The following SEM1 variants were observed in gnomAD, a reference collection of about 807,000 sequenced individuals.
SEM1 encodes 26S proteasome complex subunit SEM1.
SEM1 carries 3 observed loss-of-function variants against 12.7 expected under a neutral mutation model. The ratio of observed to expected loss-of-function variants is 0.24; its 90% CI spans 0.11 to 0.61. SEM1 has a LOEUF of 0.61. Ranked by LOEUF, SEM1 falls within the 20% of genes least tolerant of loss-of-function variation. SEM1 has a pLI of 0.88. For missense variants in SEM1, 59 were observed against 81.3 expected, an observed-to-expected ratio of 0.73 and a Z score of 1.06; for synonymous variants, 30 against 27.8, an observed-to-expected ratio of 1.08 and a Z score of -0.25.
intron 1 of SEM1, among the ~76,000 whole-genome samples, chr7:96,705,655 A>G (rs1283566220): frequency 6.6e-5 from 10 of 151,758 alleles, no homozygotes; most frequent in Admixed American, 2.0e-4. Flanking sequence ...ATGAAACCCC[A>G]TCTCTACAAA....
intron 2 of SEM1, among the ~76,000 whole-genome samples, chr7:96,513,028 A>G (rs1803980390): frequency 6.6e-6 from 1 of 152,150 alleles, no homozygotes; most frequent in Non-Finnish European, 1.5e-5. Context: ...GAATTCGATC[A>G]TATTTGGAAA....
At chr7:96,506,373 C>G (rs1803754434) in intron 3 of SEM1, among the ~76,000 whole-genome samples, 1 of 152,090 alleles carries the variant, frequency 6.6e-6, no homozygotes, top group Admixed American at 6.6e-5. Flanking sequence ...GTTTGGAGTA[C>G]TGTTTAAATG....
intron 2 of SEM1, among the ~76,000 whole-genome samples, chr7:96,515,589 C>A (rs1259021871): frequency 6.6e-6 from 1 of 152,108 alleles, no homozygotes; most frequent in South Asian, 2.1e-4. Flanking sequence ...ATGTTTATTG[C>A]AGCACTATTC....
rs555686938 is a variant in SEM1 at position 96,552,765 on chromosome 7, G to A, written c.171-46067C>T. Among the ~76,000 whole-genome samples the A allele has an allele frequency of 7.9e-5, 12 of 152,132 alleles. No individual in the cohort carries two copies. The South Asian group carries it at 8.3e-4, about 11-fold the overall frequency. ...TCCAGTTCTAGATCCCTGAGGAATC[G>A]CCACACTGACTTCCACAATGGTTGA... On this transcript the variant is annotated intron_variant and NMD_transcript_variant, in intron 2 of 3. Coordinates refer to the SEM1 transcript ENST00000466986.
chr7:96,635,348 C>T (rs1178545142), intron 2 of SEM1, among the ~76,000 whole-genome samples: 2 of 151,922 alleles, frequency 1.3e-5, no homozygotes, highest in Non-Finnish European at 2.9e-5. Flanking sequence ...ATCTGGTGTC[C>T]TGGCAAGTTG....
chr7:96,599,624 A>G (rs193251787), intron 2 of SEM1, among the ~76,000 whole-genome samples: 2 of 152,282 alleles, frequency 1.3e-5, no homozygotes. Flanking sequence ...TCCTTTCTCA[A>G]GCCCTCTTTT....
At chr7:96,502,850 T>A (rs1003382589) in intron 3 of SEM1, among the ~76,000 whole-genome samples, 3 of 152,238 alleles carry the variant, frequency 2.0e-5, no homozygotes, top group African/African-American at 4.8e-5. Flanking sequence ...GCCAAATGAA[T>A]GTGGACAAGT....
At chr7:96,628,527 T>G (rs1808144933) in intron 2 of SEM1, among the ~76,000 whole-genome samples, 2 of 152,168 alleles carry the variant, frequency 1.3e-5, no homozygotes, top group African/African-American at 4.8e-5. Context: ...GAATAAAAGC[T>G]CTACACTTTA....
chr7:96,682,785 T>C (rs984095886), intron 2 of SEM1, among the ~76,000 whole-genome samples: 1 of 151,864 alleles, frequency 6.6e-6, no homozygotes, highest in Non-Finnish European at 1.5e-5. Context: ...TGACAAAGGA[T>C]ACATTGTATC....
chr7:96,648,529 T>C (rs1808872389), intron 2 of SEM1, among the ~76,000 whole-genome samples: 1 of 152,220 alleles, frequency 6.6e-6, no homozygotes, highest in Non-Finnish European at 1.5e-5. Flanking sequence ...ATCTTCTGTA[T>C]CTGTGGCACA....
chr7:96,708,162 C>T (rs574433769), intron 1 of SEM1: 1 of 152,310 alleles, frequency 6.6e-6, no homozygotes, highest in South Asian at 2.1e-4. Context: ...AATAGGCCAG[C>T]TTTCTACGAC....
intron 1 of SEM1, among the ~76,000 whole-genome samples, chr7:96,492,031 TAC>T (rs1803029544): frequency 6.6e-6 from 1 of 152,200 alleles, no homozygotes; most frequent in African/African-American, 2.4e-5. Flanking sequence ...CCTCAGTGTT[TAC>T]ACAGTCTTTC....
intron 2 of SEM1, among the ~76,000 whole-genome samples, chr7:96,545,554 A>G (rs1411468947): frequency 1.3e-5 from 2 of 152,116 alleles, no homozygotes; most frequent in African/African-American, 4.8e-5. Context: ...ATTGCTAACA[A>G]GATGCTGATA....
At chr7:96,577,146 C>G (rs1806233702) in intron 2 of SEM1, among the ~76,000 whole-genome samples, 1 of 151,856 alleles carries the variant, frequency 6.6e-6, no homozygotes, top group South Asian at 2.1e-4. Context: ...AATATTTGAT[C>G]TTTAAGTAAA....
intron 2 of SEM1, among the ~76,000 whole-genome samples, chr7:96,681,926 T>C (rs1056018112): frequency 1.3e-5 from 2 of 152,128 alleles, no homozygotes; most frequent in African/African-American, 4.8e-5. Context: ...ATGAAGAAAG[T>C]CAATGGTAGT....
Position 96,483,990 on chromosome 7 carries a change from T to G in SEM1, c.258-2A>C. 6.7e-7 allele frequency: 1 copy of G among 1,500,044 alleles called. No homozygotes were observed. Among genetic ancestry groups the G allele is most frequent in the Non-Finnish European group, 8.8e-7 (1 of 1,130,814 alleles). The allele number at this position is 1,500,044 out of a possible 1,614,324, so 92.9% of individuals were successfully genotyped here. A position where few individuals can be genotyped will look rare whatever the true frequency, so the allele number is the denominator to read the frequency against. On this transcript the variant is annotated splice_acceptor_variant, in intron 3 of 3. Transcript: ENST00000356686. LOFTEE classifies it high-confidence loss of function. ...GGAGCAGTGGAAAGAGTCAGGGACC[T>G]ATGAAGAAGAATGATAAATGCTGTG...
downstream of SEM1, among the ~76,000 whole-genome samples, chr7:96,619,933 C>T (rs1807837585): frequency 1.3e-5 from 2 of 152,248 alleles, no homozygotes; most frequent in South Asian, 4.1e-4. Context: ...CTTCGTCTTG[C>T]AACCAGTGAG....
At chr7:96,683,005 G>A (rs1297884978) in intron 2 of SEM1, among the ~76,000 whole-genome samples, 1 of 152,060 alleles carries the variant, frequency 6.6e-6, no homozygotes, top group Non-Finnish European at 1.5e-5. Context: ...ACCACAATGA[G>A]ATACCACCTC....
chr7:96,555,893 A>G (rs1170644996), intron 2 of SEM1, among the ~76,000 whole-genome samples: 85 of 148,614 alleles, frequency 5.7e-4, no homozygotes, highest in Non-Finnish European at 3.0e-5. Context: ...GTGCATATAT[A>G]TTTAGGATAG....
Sources: allele counts gnomAD v4.1 joint callset (sites outside exome capture counted in the v4.1 genomes callset), GRCh38; gene constraint gnomAD v4.1.1; transcripts MANE v1.5; gene names NCBI Gene and HGNC (gene_info 2026-07-23, HGNC 2026-07-21).